Variants in OPRK1 observed in about 807,000 individuals in gnomAD.
OPRK1 encodes the protein opioid receptor kappa 1, also known as kappa-type opioid receptor.
Under a neutral mutation model 24.5 loss-of-function variants are expected in OPRK1, and 15 were observed. The observed-to-expected ratio is 0.61, with a 90% CI of 0.41 to 0.94. The LOEUF (loss-of-function observed/expected upper bound fraction) is 0.94, where lower values mean the gene tolerates loss of function less well. Among genes scored for constraint, OPRK1 ranks in the 40% least tolerant of loss-of-function variants. The pLI is 0.00. For missense variants in OPRK1, 479 were observed against 507.3 expected, an observed-to-expected ratio of 0.94 and a Z score of 0.54; for synonymous variants, 205 against 198.0, an observed-to-expected ratio of 1.04 and a Z score of -0.30.
Position 53,251,593 on chromosome 8 carries a change from C to G in OPRK1, c.-194G>C, listed in dbSNP as rs201970330. The G allele has an allele frequency of 6.6e-6, 1 of 151,806 alleles. No individual in the cohort carries two copies. Among genetic ancestry groups the G allele is most frequent in the Admixed American group, 6.5e-5 (1 of 15,272 alleles). The allele number at this position is 151,806 out of a possible 1,614,324, so 9.4% of individuals were successfully genotyped here. On this transcript the variant is annotated 5_prime_UTR_variant, in exon 1 of 4. Coordinates refer to ENST00000265572, the MANE Select transcript of OPRK1 (RefSeq NM_000912.5). Reference sequence around the variant, plus strand: ...CGCTCTCCGCCCGAGGGCTGCTGTTCCGCCGAGCGCAGCCCCCGCCTCTCA... The same window carrying G: ...CGCTCTCCGCCCGAGGGCTGCTGTTGCGCCGAGCGCAGCCCCCGCCTCTCA...
At chr8:53,240,735 T>C (rs1443103652) in intron 2 of OPRK1, among the ~76,000 whole-genome samples, 2 of 151,952 alleles carry the variant, frequency 1.3e-5, no homozygotes, top group African/African-American at 4.8e-5. Context: ...CAGTATAAGA[T>C]GAATAAACTC....
intron 2 of OPRK1, among the ~76,000 whole-genome samples, chr8:53,237,301 A>G (rs956660971): frequency 3.9e-5 from 6 of 152,246 alleles, no homozygotes; most frequent in African/African-American, 1.4e-4. Context: ...TGATCCATAA[A>G]TTACTGTAAA....
chr8:53,238,470 C>A (rs913750685), intron 2 of OPRK1: 1 of 878,884 alleles, frequency 1.1e-6, no homozygotes, highest in African/African-American at 1.8e-5. Context: ...AAAAACAGTA[C>A]GGTGCATGGA....
Position 53,226,509 on chromosome 8 carries a change from C to T in OPRK1, c.*2788G>A, listed in dbSNP as rs1806690145. 1 of 121,444 alleles carries T rather than the reference C, an allele frequency of 8.2e-6. No homozygotes were observed. The highest frequency in any genetic ancestry group is 2.4e-4 in the South Asian group (1 of 4,246). The allele number at this position is 121,444 out of a possible 1,614,324, so 7.5% of individuals were successfully genotyped here. A position where few individuals can be genotyped will look rare whatever the true frequency, so the allele number is the denominator to read the frequency against. ...ACATGGAGTTCTAGTCTCAAAGAGA[C>T]ACAACAGACAGTGTCCTCCTTGTTG... On this transcript the variant is annotated 3_prime_UTR_variant, in exon 4 of 4. Coordinates refer to ENST00000265572, the MANE Select transcript of OPRK1 (RefSeq NM_000912.5).
At chr8:53,235,644 G>A (rs1164632697) in intron 2 of OPRK1, among the ~76,000 whole-genome samples, 2 of 152,064 alleles carry the variant, frequency 1.3e-5, no homozygotes, top group African/African-American at 4.8e-5. Context: ...GCTGATTTTT[G>A]TTCTCCAGTG....
In OPRK1 at chr8:53,229,340, G is replaced by T; in HGVS notation, c.1100C>A (p.Pro367His). The stretch of plus-strand genomic sequence containing the variant: ...CCCATCGATGTCCCTCAGGTAAGCA[G>T]GATCCTGAACTGTATTTCGGACTCT... ...TSRVRNTVQD[P>H]AYLRDIDGMN... Residue 367 changes from proline (P) to histidine (H), a missense_variant, in exon 4 of 4, where the codon CCT becomes CAT. Coordinates refer to ENST00000265572, the MANE Select transcript of OPRK1 (RefSeq NM_000912.5). The T allele has an allele frequency of 6.2e-7, 1 of 1,614,164 alleles. No individual in the cohort carries two copies. The highest frequency in any genetic ancestry group is 1.3e-5 in the African/African-American group (1 of 75,036).
rs1585528033 is a variant in OPRK1 at position 53,251,400 on chromosome 8, C to T, written c.-49+48G>A. 3 of 322,012 alleles carry T rather than the reference C, an allele frequency of 9.3e-6. No homozygotes were observed. In the East Asian group the frequency reaches 2.1e-4, roughly 22 times the overall value. 19.9% of individuals were successfully genotyped at this position (322,012 alleles called of 1,614,324 possible). ...AGGGTCAAGCCCCCTTCCCACCTCC[C>T]AGCACGGAGCTCTACCTAGAACTGC... is the stretch of plus-strand genomic sequence containing the variant. On this transcript the variant is annotated intron_variant, in intron 1 of 3. Transcript: ENST00000265572.
intron 2 of OPRK1, among the ~76,000 whole-genome samples, chr8:53,238,279 A>G (rs1353295872): frequency 3.3e-5 from 5 of 152,336 alleles, no homozygotes; most frequent in African/African-American, 1.2e-4. Flanking sequence ...ACAAAAATTC[A>G]CAAGCATTTT....
rs1389430109 is a variant in OPRK1 at position 53,250,804 on chromosome 8, C to T, written c.234G>A (p.Ser78=). The T allele has an allele frequency of 3.1e-6, 5 of 1,609,984 alleles. No homozygotes were observed. Among genetic ancestry groups the T allele is most frequent in the Admixed American group, 1.7e-5 (1 of 59,788 alleles). The change falls in exon 2 of 4, where the codon TCG becomes TCA. Residue 78 remains serine (S), a synonymous_variant. Coordinates refer to ENST00000265572, the MANE Select transcript of OPRK1 (RefSeq NM_000912.5). ...VVFVVGLVGN[S]LVMFVIIRYT... is the part of the protein sequence containing the mutation. ...ACCGGATGATCACGAACATGACCAG[C>T]GAGTTGCCCACCAAGCCCACGACGA...
intron 3 of OPRK1, among the ~76,000 whole-genome samples, chr8:53,231,135 T>C (rs1033693519): frequency 6.6e-6 from 1 of 152,202 alleles, no homozygotes; most frequent in Non-Finnish European, 1.5e-5. Flanking sequence ...CCAGAGAAAT[T>C]TGTCATTTTT....
rs574782366 is a variant in OPRK1 at position 53,241,986 on chromosome 8, G to T, written c.258-6875C>A. On this transcript the variant is annotated intron_variant, in intron 2 of 3. Transcript: ENST00000265572. The stretch of plus-strand genomic sequence containing the variant: ...GAAGGAACGTTCTAGTGCATTCAGG[G>T]TTATGTGCAGGGTGAGCGCTTCTCA... Among the ~76,000 whole-genome samples, 51 of 152,376 alleles carry T rather than the reference G, an allele frequency of 3.3e-4. 2 individuals carry two copies. In the South Asian group the frequency reaches 9.7e-3, roughly 29 times the overall value.
At chr8:53,245,379 G>C (rs1479804901) in intron 2 of OPRK1, among the ~76,000 whole-genome samples, 1 of 152,150 alleles carries the variant, frequency 6.6e-6, no homozygotes, top group African/African-American at 2.4e-5. Flanking sequence ...GCCGAGGAGA[G>C]AGGCCTCGGG....
At chr8:53,238,573 G>A (rs762333510) in intron 2 of OPRK1, 41 of 985,548 alleles carry the variant, frequency 4.2e-5, no homozygotes, top group Middle Eastern at 5.2e-4. Flanking sequence ...GCAACAGGGC[G>A]GAGGGTGTTC....
rs546459906 is a variant in OPRK1, at chr8:53,234,182, C to CAAAAAAAAAAAAAAA, written c.610+562_610+576dup. ...CTGGCAACAGAGCAAGACTCTCTCT[C>CAAAAAAAAAAAAAAA]AAAAAAAAAAAAAAAAAAAAATCAG... On this transcript the variant is annotated intron_variant, in intron 3 of 3. Coordinates refer to ENST00000265572, the MANE Select transcript of OPRK1 (RefSeq NM_000912.5). 1.2e-3 allele frequency among the ~76,000 whole-genome samples: 76 copies of CAAAAAAAAAAAAAAA among 65,340 alleles called. 5 individuals carry two copies. Among genetic ancestry groups the CAAAAAAAAAAAAAAA allele is most frequent in the African/African-American group, 2.1e-3 (26 of 12,464 alleles). The allele number at this position is 65,340 out of a possible 152,430, so 42.9% of individuals were successfully genotyped here. A position where few individuals can be genotyped will look rare whatever the true frequency, so the allele number is the denominator to read the frequency against.
chr8:53,241,522 AAAAGG>A (rs1807116283), intron 2 of OPRK1, among the ~76,000 whole-genome samples: 1 of 152,128 alleles, frequency 6.6e-6, no homozygotes, highest in Non-Finnish European at 1.5e-5. Flanking sequence ...AAAGAAAGGT[AAAAGG>A]AAAGGAAAGA....
chr8:53,251,080 G>A lies in OPRK1; in HGVS notation c.-43C>T, dbSNP rs1807383098. On this transcript the variant is annotated 5_prime_UTR_variant, in exon 2 of 4. Transcript: ENST00000265572. Reference sequence around the variant, plus strand: ...AGGAAGGCGAGGACAGGCGGCACCTGCGGCGCTGCGGGAGCGAAAGAACCG... The same window carrying A: ...AGGAAGGCGAGGACAGGCGGCACCTACGGCGCTGCGGGAGCGAAAGAACCG... 7 of 1,446,732 alleles carry A rather than the reference G, an allele frequency of 4.8e-6. No individual in the cohort carries two copies. In the East Asian group the frequency reaches 1.8e-4, roughly 37 times the overall value. The allele number at this position is 1,446,732 out of a possible 1,614,324, so 89.6% of individuals were successfully genotyped here.
At chr8:53,231,075 A>G (rs1051329632) in intron 3 of OPRK1, among the ~76,000 whole-genome samples, 1 of 152,172 alleles carries the variant, frequency 6.6e-6, no homozygotes, top group Non-Finnish European at 1.5e-5. Flanking sequence ...AGAGACCTTC[A>G]TGTATCAATG....
At chr8:53,238,525 A>T (rs1563328961) in intron 2 of OPRK1, 1 of 985,400 alleles carries the variant, frequency 1.0e-6, no homozygotes, top group East Asian at 1.1e-4. Context: ...TACCTGGGGA[A>T]CTTGAGTTGT....
intron 1 of OPRK1, 99 bp downstream of exon 1, chr8:53,251,349 A>G: frequency 2.3e-6 from 1 of 437,898 alleles, no homozygotes; most frequent in Non-Finnish European, 4.0e-6. Flanking sequence ...CCCTGGTGGA[A>G]CTGTCCCCAG....
Sources: allele counts gnomAD v4.1 joint callset (sites outside exome capture counted in the v4.1 genomes callset), GRCh38; gene constraint gnomAD v4.1.1; transcripts MANE v1.5; gene names NCBI Gene and HGNC (gene_info 2026-07-23, HGNC 2026-07-21).